The following PPP1R21 variants were observed in gnomAD, a reference collection of about 807,000 sequenced individuals.
PPP1R21 encodes the protein KLRAQ motif containing 1.
Under a neutral mutation model 112.8 loss-of-function variants are expected in PPP1R21, and 85 were observed. That is an observed-to-expected ratio of 0.75 (90% CI 0.63 to 0.90). The LOEUF (loss-of-function observed/expected upper bound fraction) is 0.90, where lower values mean the gene tolerates loss of function less well. PPP1R21 is among the 40% of genes least tolerant of loss of function. PPP1R21 has a pLI of 0.00. For synonymous variants in PPP1R21, 381 were observed against 322.3 expected (o/e 1.18, Z -1.95); for missense variants, 1,199 against 901.5 (o/e 1.33, Z -4.23).
rs779395201 is a variant in PPP1R21, at chr2:48,451,063, C to T, written c.113C>T (p.Ser38Phe). ...KKGVVDEQANSAALKEQLKMK... is the reference protein window; with the variant it reads ...KKGVVDEQANFAALKEQLKMK... ...GGTGTTGTGGATGAACAAGCAAATT[C>T]TGCAGCTTTAAAGGTGGGCAACAGG... Residue 38 changes from serine (S) to phenylalanine (F), a missense_variant, in exon 2 of 22, where the codon TCT becomes TTT. Coordinates refer to ENST00000294952, the MANE Select transcript of PPP1R21 (RefSeq NM_001135629.3). 14 of 1,613,322 alleles carry T rather than the reference C, an allele frequency of 8.7e-6. No homozygotes were observed. Among genetic ancestry groups the T allele is most frequent in the Non-Finnish European group, 1.2e-5 (14 of 1,179,474 alleles).
chr2:48,467,115 C>T (rs1422313415), intron 9 of PPP1R21, among the ~76,000 whole-genome samples: 1 of 152,134 alleles, frequency 6.6e-6, no homozygotes, highest in Non-Finnish European at 1.5e-5. Context: ...TGACCTTTTT[C>T]CTTCCTGCTG....
chr2:48,477,496 C>A (rs1668810837), intron 12 of PPP1R21, among the ~76,000 whole-genome samples: 1 of 152,124 alleles, frequency 6.6e-6, no homozygotes, highest in East Asian at 1.9e-4. Flanking sequence ...CCTATTCTTT[C>A]CTTATTGAAT....
intron 1 of PPP1R21, among the ~76,000 whole-genome samples, chr2:48,447,874 C>T (rs144225581): frequency 0.017 from 2,629 of 152,038 alleles, 64 homozygotes; most frequent in African/African-American, 0.058. Flanking sequence ...CGCTTGAACC[C>T]GAGAGGTGGA....
intron 21 of PPP1R21, among the ~76,000 whole-genome samples, chr2:48,512,386 C>T (rs1298535444): frequency 1.6e-4 from 24 of 147,420 alleles, no homozygotes; most frequent in Non-Finnish European, 1.5e-5. Context: ...GTGCTTAGTC[C>T]ATTTTCATAA....
At chr2:48,496,606 T>C (rs1669850604) in intron 16 of PPP1R21, among the ~76,000 whole-genome samples, 1 of 152,184 alleles carries the variant, frequency 6.6e-6, no homozygotes, top group Non-Finnish European at 1.5e-5. Flanking sequence ...TCGCTGGGAT[T>C]ACAGGTGCAT....
chr2:48,449,735 ATTTTT>A (rs1667395535), intron 1 of PPP1R21, among the ~76,000 whole-genome samples: 1 of 151,784 alleles, frequency 6.6e-6, no homozygotes, highest in East Asian at 1.9e-4. Flanking sequence ...ATTTTTAAAA[ATTTTT>A]TATTTTTAAT....
intron 15 of PPP1R21, among the ~76,000 whole-genome samples, chr2:48,493,477 A>T (rs987170772): frequency 1.3e-5 from 2 of 152,088 alleles, no homozygotes; most frequent in African/African-American, 2.4e-5. Context: ...CTTCATGGTG[A>T]TCATTCTTAG....
chr2:48,475,845 CA>C (rs1051749703), intron 12 of PPP1R21, among the ~76,000 whole-genome samples: 86 of 138,252 alleles, frequency 6.2e-4, no homozygotes, highest in East Asian at 6.3e-4. Flanking sequence ...GAAACTGTCT[CA>C]AAAAAAAAAA....
At chr2:48,484,828 T>A (rs867180231) in intron 13 of PPP1R21, among the ~76,000 whole-genome samples, 30 of 152,320 alleles carry the variant, frequency 2.0e-4, no homozygotes, top group Admixed American at 1.2e-3. Context: ...AGTAAACATT[T>A]TGATTGTGAG....
At chr2:48,494,117 G>A (rs961927070) in intron 15 of PPP1R21, among the ~76,000 whole-genome samples, 2 of 149,018 alleles carry the variant, frequency 1.3e-5, no homozygotes, top group African/African-American at 4.9e-5. Context: ...GTAGTCCCAG[G>A]TGCATGCTTG....
At chr2:48,510,208 T>G in intron 20 of PPP1R21, 95 bp downstream of exon 20, 33 of 793,680 alleles carry the variant, frequency 4.2e-5, no homozygotes, top group Non-Finnish European at 6.1e-5. Context: ...ATTTGATCTC[T>G]AGATATGCTT....
intron 11 of PPP1R21, among the ~76,000 whole-genome samples, chr2:48,474,003 G>T (rs1668634407): frequency 6.6e-6 from 1 of 152,140 alleles, no homozygotes; most frequent in Admixed American, 6.6e-5. Flanking sequence ...AATAATACCA[G>T]TTCCTGTTTA....
Position 48,486,894 on chromosome 2 carries a change from C to T in PPP1R21, c.1446+136C>T, listed in dbSNP as rs1669326248. On this transcript the variant is annotated intron_variant, in intron 14 of 21. Transcript: ENST00000294952. ...TGTAAAATAAAGTTGTCTCTCTTTCCTCTGCTTCCTACCCAGTATGTACTC... is the reference window on the plus strand; with the variant it reads ...TGTAAAATAAAGTTGTCTCTCTTTCTTCTGCTTCCTACCCAGTATGTACTC... The T allele has an allele frequency of 1.3e-5, 11 of 874,006 alleles. No individual in the cohort carries two copies. In the East Asian group the frequency reaches 2.6e-4, roughly 21 times the overall value. The allele number at this position is 874,006 out of a possible 1,614,324, so 54.1% of individuals were successfully genotyped here. A position where few individuals can be genotyped will look rare whatever the true frequency, so the allele number is the denominator to read the frequency against.
intron 17 of PPP1R21, among the ~76,000 whole-genome samples, chr2:48,501,014 C>A (rs888024661): frequency 6.6e-6 from 1 of 152,204 alleles, no homozygotes; most frequent in African/African-American, 2.4e-5. Flanking sequence ...GCCACACTCA[C>A]AGGACAATCC....
intron 14 of PPP1R21, among the ~76,000 whole-genome samples, chr2:48,487,970 G>A (rs1010182829): frequency 2.6e-5 from 4 of 152,060 alleles, no homozygotes; most frequent in African/African-American, 4.8e-5. Context: ...GACTTCCAAA[G>A]GAAATGCTTA....
At chr2:48,453,274 G>T (rs1213234561) in intron 2 of PPP1R21, among the ~76,000 whole-genome samples, 1 of 151,976 alleles carries the variant, frequency 6.6e-6, no homozygotes, top group Non-Finnish European at 1.5e-5. Context: ...TTTCAATACA[G>T]TTAAATCATC....
intron 1 of PPP1R21, among the ~76,000 whole-genome samples, chr2:48,448,918 A>C (rs1275890858): frequency 2.0e-5 from 3 of 152,134 alleles, no homozygotes; most frequent in Non-Finnish European, 4.4e-5. Flanking sequence ...ACAGTACGTA[A>C]ATGAATGAGT....
rs1670424742 is a variant in PPP1R21, at chr2:48,507,272, C to G, written c.1972C>G (p.Pro658Ala). The stretch of plus-strand genomic sequence containing the variant: ...TGTGTATTTGTGTTCTATTTAGGTT[C>G]CAGATGTGGAATCTCGTGAAGACTT... ...TLTRTSDSEV[P>A]DVESREDLIK... Residue 658 changes from proline to alanine, a missense_variant, in exon 19 of 22, where the codon CCA becomes GCA. By Grantham distance (27) the Pro-to-Ala change is conservative. Coordinates refer to ENST00000294952, the MANE Select transcript of PPP1R21 (RefSeq NM_001135629.3). The G allele has an allele frequency of 1.3e-6, 2 of 1,526,962 alleles. No homozygotes were observed. Among genetic ancestry groups the G allele is most frequent in the East Asian group, 2.6e-5 (1 of 38,944 alleles). The allele number at this position is 1,526,962 out of a possible 1,614,324, so 94.6% of individuals were successfully genotyped here.
intron 21 of PPP1R21, among the ~76,000 whole-genome samples, chr2:48,513,823 A>C (rs952507412): frequency 1.3e-5 from 2 of 152,198 alleles, no homozygotes; most frequent in African/African-American, 4.8e-5. Context: ...GAATTTAATT[A>C]AAATGTATTC....
Sources: allele counts gnomAD v4.1 joint callset (sites outside exome capture counted in the v4.1 genomes callset), GRCh38; gene constraint gnomAD v4.1.1; transcripts MANE v1.5; gene names NCBI Gene and HGNC (gene_info 2026-07-23, HGNC 2026-07-21).